SEC14L1: variants seen among roughly 807,000 people sequenced by gnomAD.
SEC14L1 encodes the protein SEC14 like lipid binding 1, also known as SEC14-like protein 1.
A neutral mutation model predicts 85.3 loss-of-function variants in SEC14L1; 48 were observed. The ratio of observed to expected loss-of-function variants is 0.56; its 90% confidence interval spans 0.45 to 0.72. The LOEUF (loss-of-function observed/expected upper bound fraction) is 0.72, where lower values mean the gene tolerates loss of function less well. Among genes scored for constraint, SEC14L1 ranks in the 30% least tolerant of loss-of-function variants. The pLI, the probability that SEC14L1 is intolerant of heterozygous loss-of-function variation, is 0.00. For synonymous variants in SEC14L1, 391 were observed against 355.5 expected, an observed-to-expected ratio of 1.10 and a Z score of -1.12; for missense variants, 682 against 921.4, an observed-to-expected ratio of 0.74 and a Z score of 3.36.
chr17:77,091,961 G>A (rs1971529066), intron 2 of SEC14L1, among the ~76,000 whole-genome samples: 1 of 152,112 alleles, frequency 6.6e-6, no homozygotes, highest in Admixed American at 6.6e-5. Flanking sequence ...ACAGGCACAT[G>A]CCATCACACC....
chr17:77,185,048 A>G (rs1975206199), intron 3 of SEC14L1, among the ~76,000 whole-genome samples: 1 of 152,218 alleles, frequency 6.6e-6, no homozygotes, highest in African/African-American at 2.4e-5. Flanking sequence ...TCTCTGAAAG[A>G]CGGGTCAGGG....
rs200599922 is a variant in SEC14L1 at position 77,143,679 on chromosome 17, A to G, written c.63+20A>G. ...ATGGCTGTAAGTACTTGACATTTCA[A>G]TTTACTCTTTGGCTTCTTATTTATA... is the stretch of plus-strand genomic sequence containing the variant. On this transcript the variant is annotated intron_variant, in intron 3 of 16. Coordinates refer to ENST00000436233, the MANE Select transcript of SEC14L1 (RefSeq NM_001143998.2). The G allele has an allele frequency of 1.9e-4, 301 of 1,559,292 alleles. No individual in the cohort carries two copies. Among genetic ancestry groups the G allele is most frequent in the Non-Finnish European group, 2.6e-4 (289 of 1,131,016 alleles).
intron 8 of SEC14L1, among the ~76,000 whole-genome samples, chr17:77,198,606 GC>G (rs1819454659): frequency 6.8e-6 from 1 of 146,306 alleles, no homozygotes; most frequent in African/African-American, 2.5e-5. Flanking sequence ...ACGGAGTCTC[GC>G]CCTGTCGCCC....
chr17:77,191,779 G>A (rs1305017692), intron 5 of SEC14L1, among the ~76,000 whole-genome samples: 3 of 150,958 alleles, frequency 2.0e-5, no homozygotes. Flanking sequence ...CTGACCTCAC[G>A]TGATCCACCC....
chr17:77,204,790 ACACGTT>A (rs1976380883), intron 10 of SEC14L1, among the ~76,000 whole-genome samples: 1 of 152,132 alleles, frequency 6.6e-6, no homozygotes, highest in South Asian at 2.1e-4. Flanking sequence ...CCCCACATGC[ACACGTT>A]CACACATAAA....
intron 3 of SEC14L1, among the ~76,000 whole-genome samples, chr17:77,145,928 G>T (rs544292308): frequency 1.1e-4 from 17 of 152,328 alleles, no homozygotes; most frequent in Non-Finnish European, 1.9e-4. Flanking sequence ...GCTCGAGGAC[G>T]TGCTTAGCTG....
chr17:77,168,549 T>C (rs909379905), intron 3 of SEC14L1, among the ~76,000 whole-genome samples: 2 of 152,228 alleles, frequency 1.3e-5, no homozygotes, highest in African/African-American at 4.8e-5. Context: ...CACTTTTCCA[T>C]GAGACTTGTG....
chr17:77,203,605 A>G lies in SEC14L1; in HGVS notation c.1045A>G (p.Met349Val). The G allele has an allele frequency of 6.2e-7, 1 of 1,613,786 alleles. No individual in the cohort carries two copies. Among genetic ancestry groups the G allele is most frequent in the Non-Finnish European group, 8.5e-7 (1 of 1,179,914 alleles). ...RPLYVLRLGQMDTKGLVRALG... is the reference protein window; with the variant it reads ...RPLYVLRLGQVDTKGLVRALG... ...CCTCTACGTGCTCAGGCTGGGGCAG[A>G]TGGACACCAAAGGCTTGGTGAGAGC... Residue 349 changes from methionine to valine, a missense_variant, in exon 10 of 17, where the codon ATG (methionine) becomes GTG (valine). By Grantham distance (21) the Met-to-Val change is conservative. This residue lies in a region of SEC14L1 where 420 missense variants were observed against 619.5 expected (regional missense o/e 0.68). Coordinates refer to ENST00000436233, the MANE Select transcript of SEC14L1 (RefSeq NM_001143998.2).
intron 3 of SEC14L1, among the ~76,000 whole-genome samples, chr17:77,096,347 A>G (rs1346601961): frequency 1.4e-5 from 2 of 148,118 alleles, no homozygotes; most frequent in African/African-American, 4.9e-5. Context: ...ACCTGAGGTC[A>G]AGAGTTCGAG....
At chr17:77,101,572 G>A (rs756617654) in intron 3 of SEC14L1, among the ~76,000 whole-genome samples, 6 of 152,210 alleles carry the variant, frequency 3.9e-5, no homozygotes, top group Non-Finnish European at 8.8e-5. Context: ...AAGAATATAA[G>A]TGAATTTGTT....
intron 7 of SEC14L1, among the ~76,000 whole-genome samples, chr17:77,195,981 A>G (rs1481459442): frequency 1.3e-5 from 2 of 152,200 alleles, no homozygotes; most frequent in Non-Finnish European, 2.9e-5. Flanking sequence ...AATCAGGGAA[A>G]GATAATTGAG....
chr17:77,213,191 T>G lies in SEC14L1; in HGVS notation c.1864-123T>G. 1.6e-5 allele frequency: 13 copies of G among 793,962 alleles called. No homozygotes were observed. The highest frequency in any genetic ancestry group is 2.3e-5 in the Non-Finnish European group (12 of 511,280). The allele number at this position is 793,962 out of a possible 1,614,324, so 49.2% of individuals were successfully genotyped here. ...GCAAAATAGCAGGTTCTGAATCCCATTGAGATAGTTTCCGTAGCTACATGA... is the reference window on the plus strand; with the variant it reads ...GCAAAATAGCAGGTTCTGAATCCCAGTGAGATAGTTTCCGTAGCTACATGA... On this transcript the variant is annotated intron_variant, in intron 15 of 16. Coordinates refer to ENST00000436233, the MANE Select transcript of SEC14L1 (RefSeq NM_001143998.2). The surrounding 1 kb of genome is among the most constrained non-coding windows in gnomAD (Gnocchi z 7.1).
chr17:77,189,995 C>T (rs1975450364), intron 3 of SEC14L1, among the ~76,000 whole-genome samples: 2 of 152,166 alleles, frequency 1.3e-5, no homozygotes, highest in African/African-American at 4.8e-5. Flanking sequence ...ATTTTTTCTC[C>T]TGTGGATTGT....
intron 3 of SEC14L1, among the ~76,000 whole-genome samples, chr17:77,106,120 A>T (rs1161253546): frequency 6.6e-6 from 1 of 152,180 alleles, no homozygotes; most frequent in African/African-American, 2.4e-5. Context: ...CTGGCAGGGC[A>T]TGGTGGCTCT....
chr17:77,215,129 G>A lies in SEC14L1; in HGVS notation c.*1106G>A, dbSNP rs748923195. 4.0e-5 allele frequency: 39 copies of A among 985,416 alleles called. No individual in the cohort carries two copies. The East Asian group carries it at 6.8e-4, about 17-fold the overall frequency. 61.0% of individuals were successfully genotyped at this position (985,416 alleles called of 1,614,324 possible). ...GACGGTGGGGGTGCTGGGGGGACGG[G>A]GTGAGTGGAAACTTAGTTTGAGTAA... On this transcript the variant is annotated 3_prime_UTR_variant, in exon 17 of 17. Coordinates refer to ENST00000436233, the MANE Select transcript of SEC14L1 (RefSeq NM_001143998.2).
chr17:77,147,445 G>A (rs1016107672), intron 3 of SEC14L1, among the ~76,000 whole-genome samples: 1 of 152,030 alleles, frequency 6.6e-6, no homozygotes, highest in South Asian at 2.1e-4. Context: ...TGAAGTGGAG[G>A]TTTTTCAGTA....
At position 77,216,857 on chromosome 17, in the gene SEC14L1, T is replaced by TAACA; in HGVS notation, c.*2834_*2835insAACA. The TAACA allele has an allele frequency of 2.4e-6, 1 of 422,424 alleles. No individual in the cohort carries two copies. Among genetic ancestry groups the TAACA allele is most frequent in the Non-Finnish European group, 4.3e-6 (1 of 234,518 alleles). The allele number at this position is 422,424 out of a possible 1,614,324, so 26.2% of individuals were successfully genotyped here. A position where few individuals can be genotyped will look rare whatever the true frequency, so the allele number is the denominator to read the frequency against. ...TTGAGTATGCAGTTTGCATCGTGTT[T>TAACA]CTACCTTTAGTACCTTGCCACTCTT... On this transcript the variant is annotated 3_prime_UTR_variant, in exon 17 of 17. Coordinates refer to ENST00000436233, the MANE Select transcript of SEC14L1 (RefSeq NM_001143998.2).
intron 3 of SEC14L1, among the ~76,000 whole-genome samples, chr17:77,124,937 A>C (rs1294960941): frequency 6.6e-6 from 1 of 151,800 alleles, no homozygotes. Context: ...TTGCCCTAGC[A>C]GCCTTGGCTG....
chr17:77,158,700 C>A (rs947335924), intron 3 of SEC14L1, among the ~76,000 whole-genome samples: 2 of 151,548 alleles, frequency 1.3e-5, no homozygotes, highest in Non-Finnish European at 2.9e-5. Flanking sequence ...TCTGCTCATC[C>A]ATTGACTTAC....
Sources: allele counts gnomAD v4.1 joint callset (sites outside exome capture counted in the v4.1 genomes callset), GRCh38; gene constraint gnomAD v4.1.1; regional missense constraint gnomAD v4.1.1; non-coding constraint Gnocchi (gnomAD v3.1); transcripts MANE v1.5; gene names NCBI Gene and HGNC (gene_info 2026-07-23, HGNC 2026-07-21).